COL13A1: variants seen among roughly 807,000 people sequenced by gnomAD.
The protein encoded by COL13A1 is collagen alpha-1(XIII) chain.
COL13A1 carries 89 observed loss-of-function variants against 130.9 expected under a neutral mutation model. That is an observed-to-expected ratio of 0.68 (90% CI 0.57 to 0.81). COL13A1 has a LOEUF of 0.81. Ranked by LOEUF, COL13A1 falls within the 30% of genes least tolerant of loss-of-function variation. COL13A1 has a pLI of 0.00. For synonymous variants in COL13A1, 402 were observed against 341.6 expected, an observed-to-expected ratio of 1.18 and a Z score of -1.95; for missense variants, 879 against 934.6, an observed-to-expected ratio of 0.94 and a Z score of 0.78.
At chr10:69,829,042 C>A (rs145981090) in intron 2 of COL13A1, among the ~76,000 whole-genome samples, 1 of 152,142 alleles carries the variant, frequency 6.6e-6, no homozygotes, top group African/African-American at 2.4e-5. Context: ...GATCCTCAAA[C>A]GGCACACAAT....
chr10:69,802,176 G>C lies in COL13A1; in HGVS notation c.-248G>C. 2.2e-6 allele frequency: 1 copy of C among 462,692 alleles called. No individual in the cohort carries two copies. Among genetic ancestry groups the C allele is most frequent in the East Asian group, 3.8e-5 (1 of 26,584 alleles). 28.7% of individuals were successfully genotyped at this position (462,692 alleles called of 1,614,324 possible). On this transcript the variant is annotated 5_prime_UTR_variant, in exon 1 of 41. Coordinates refer to ENST00000645393, the MANE Select transcript of COL13A1 (RefSeq NM_001368882.1). ...AGATTCCCCTAACTTTCCTGGACTTGGAACGTTCTTCGAAATAACTTTTTT... is the reference window on the plus strand; with the variant it reads ...AGATTCCCCTAACTTTCCTGGACTTCGAACGTTCTTCGAAATAACTTTTTT...
chr10:69,894,505 C>T (rs2061459864), intron 10 of COL13A1, 47 bp from the exon 11 acceptor site: 1 of 1,611,134 alleles, frequency 6.2e-7, no homozygotes, highest in African/African-American at 1.3e-5. Context: ...TCCCTGATTG[C>T]CTGTCTTCTG....
chr10:69,849,731 C>A (rs1046573874), intron 2 of COL13A1, among the ~76,000 whole-genome samples: 2 of 152,246 alleles, frequency 1.3e-5, no homozygotes, highest in Middle Eastern at 3.4e-3. Flanking sequence ...GCTGTGATTC[C>A]CTTAGTGACT....
rs76180939 is a variant in COL13A1, at chr10:69,912,441, T to C, written c.922-4848T>C. ...CTGCCTTTTTCCCGGAAGGAAGACC[T>C]GGGAACTCTTTATAGGGAGAAAACC... On this transcript the variant is annotated intron_variant, in intron 17 of 40. Coordinates refer to ENST00000645393, the MANE Select transcript of COL13A1 (RefSeq NM_001368882.1). Among the ~76,000 whole-genome samples, 1,391 of 152,260 alleles carry C rather than the reference T, an allele frequency of 9.1e-3. 20 individuals carry two copies. Among genetic ancestry groups the C allele is most frequent in the African/African-American group, 0.032 (1,315 of 41,554 alleles).
chr10:69,823,981 A>T, intron 2 of COL13A1: 1 of 417,690 alleles, frequency 2.4e-6, no homozygotes, highest in Non-Finnish European at 5.0e-6. Context: ...TTGCCCTTAT[A>T]ACTCTTGGGC....
chr10:69,940,526 A>C (rs2067477406), intron 34 of COL13A1, among the ~76,000 whole-genome samples: 1 of 152,190 alleles, frequency 6.6e-6, no homozygotes, highest in South Asian at 2.1e-4. Context: ...GCCTGATCCA[A>C]ACAGGAATGC....
intron 13 of COL13A1, chr10:69,897,461 C>G (rs762412610): frequency 1.2e-6 from 2 of 1,613,710 alleles, no homozygotes; most frequent in South Asian, 2.2e-5. Context: ...CACCTCCATC[C>G]CCTCCCAAAC....
At chr10:69,810,615 A>C (rs1187326075) in intron 1 of COL13A1, among the ~76,000 whole-genome samples, 2 of 152,254 alleles carry the variant, frequency 1.3e-5, no homozygotes, top group African/African-American at 4.8e-5. Flanking sequence ...AGGAAGCCTC[A>C]GAAGTCCTTC....
At chr10:69,945,516 A>C (rs957511743) in intron 36 of COL13A1, among the ~76,000 whole-genome samples, 155 bp from the exon 37 acceptor site, 1 of 152,190 alleles carries the variant, frequency 6.6e-6, no homozygotes, top group Non-Finnish European at 1.5e-5. Context: ...CAGTGTTCGC[A>C]TCAGCAGCAC....
Position 69,944,694 on chromosome 10 carries a change from GAAAGAA to G in COL13A1, c.1968+532_1968+537del, listed in dbSNP as rs370078177. Among the ~76,000 whole-genome samples, 659 of 149,134 alleles carry G rather than the reference GAAAGAA, an allele frequency of 4.4e-3. 1 individual carries two copies. Among genetic ancestry groups the G allele is most frequent in the Middle Eastern group, 0.017 (5 of 288 alleles). ...AAAATGAAAAAGAAAAAGAAAGAAA[GAAAGAA>G]AAAGAAAAAGAAAAAAGAGGAAAAG... On this transcript the variant is annotated intron_variant, in intron 36 of 40. Transcript: ENST00000645393.
intron 39 of COL13A1, chr10:69,956,492 C>T (rs1411103197): frequency 6.3e-6 from 1 of 157,762 alleles, no homozygotes; most frequent in Admixed American, 6.1e-5. Context: ...CCTCACCCCA[C>T]CCCAGGATTA....
intron 33 of COL13A1, 121 bp downstream of exon 33, chr10:69,936,903 CCA>C (rs963549957): frequency 1.8e-6 from 2 of 1,120,600 alleles, no homozygotes; most frequent in African/African-American, 3.1e-5. Flanking sequence ...CCAAGGGGGT[CCA>C]GTCAGGGCAG....
chr10:69,850,605 C>A (rs776879152), intron 2 of COL13A1, among the ~76,000 whole-genome samples: 24 of 151,646 alleles, frequency 1.6e-4, no homozygotes, highest in Non-Finnish European at 3.1e-4. Flanking sequence ...CTGTCTTTTA[C>A]CAATGGGCAA....
At chr10:69,864,497 A>C (rs193210920) in intron 2 of COL13A1, among the ~76,000 whole-genome samples, 20 of 152,308 alleles carry the variant, frequency 1.3e-4, no homozygotes, top group Non-Finnish European at 2.6e-4. Flanking sequence ...AGAGCTTTGC[A>C]TCAGGCCTGG....
At chr10:69,842,871 G>A (rs1175542348) in intron 2 of COL13A1, among the ~76,000 whole-genome samples, 3 of 152,196 alleles carry the variant, frequency 2.0e-5, no homozygotes, top group African/African-American at 4.8e-5. Flanking sequence ...CGGGGTCCCG[G>A]CAGTGACCCA....
intron 2 of COL13A1, among the ~76,000 whole-genome samples, chr10:69,847,025 A>G (rs1422693715): frequency 6.6e-6 from 1 of 152,194 alleles, no homozygotes; most frequent in African/African-American, 2.4e-5. Flanking sequence ...CAGCAGAGGG[A>G]CACTCTTTCT....
Position 69,925,853 on chromosome 10 carries a change from A to T in COL13A1, c.1379A>T (p.Asn460Ile). The change falls in exon 26 of 41, where the codon AAC (asparagine) becomes ATC (isoleucine). Residue 460 changes from asparagine (N) to isoleucine (I), a missense_variant. By Grantham distance (149) the Asn-to-Ile change is moderately radical (BLOSUM62 -3). This residue lies in a region of COL13A1 where 715 missense variants were observed against 721.0 expected (regional missense o/e 0.99). Coordinates refer to ENST00000645393, the MANE Select transcript of COL13A1 (RefSeq NM_001368882.1). ...GKGEMVDYNGNINEALQEIRT... is the reference protein window; with the variant it reads ...GKGEMVDYNGIINEALQEIRT... Reference sequence around the variant, plus strand: ...GGAGAGATGGTGGATTACAATGGAAACATCAATGAGGCTCTCCAGGTGAGC... The same window carrying T: ...GGAGAGATGGTGGATTACAATGGAATCATCAATGAGGCTCTCCAGGTGAGC... The T allele has an allele frequency of 6.3e-7, 1 of 1,598,530 alleles. No individual in the cohort carries two copies. The highest frequency in any genetic ancestry group is 8.5e-7 in the Non-Finnish European group (1 of 1,172,666).
intron 6 of COL13A1, among the ~76,000 whole-genome samples, chr10:69,879,947 G>A (rs1403284668): frequency 3.3e-5 from 5 of 152,132 alleles, no homozygotes; most frequent in African/African-American, 4.8e-5. Context: ...CATGTTGCTC[G>A]TGTCCCCCTC....
chr10:69,847,508 C>T (rs1289635661), intron 2 of COL13A1, among the ~76,000 whole-genome samples: 2 of 152,200 alleles, frequency 1.3e-5, no homozygotes, highest in African/African-American at 2.4e-5. Context: ...ATCTCTCTCC[C>T]TACTCTGTCT....
Sources: allele counts gnomAD v4.1 joint callset (sites outside exome capture counted in the v4.1 genomes callset), GRCh38; gene constraint gnomAD v4.1.1; regional missense constraint gnomAD v4.1.1; transcripts MANE v1.5; gene names NCBI Gene and HGNC (gene_info 2026-07-23, HGNC 2026-07-21).